The following NR6A1 variants were observed in gnomAD, a reference collection of about 807,000 sequenced individuals.
The protein encoded by NR6A1 is nuclear receptor subfamily 6 group A member 1.
A neutral mutation model predicts 59.1 loss-of-function variants in NR6A1; 7 were observed. The observed-to-expected ratio is 0.12, with a 90% CI of 0.07 to 0.22. The LOEUF is 0.22. Among genes scored for constraint, NR6A1 ranks in the 10% least tolerant of loss-of-function variants. NR6A1 has a pLI of 1.00. For synonymous variants in NR6A1, 243 were observed against 236.1 expected (o/e 1.03, Z -0.27); for missense variants, 468 against 611.6 (o/e 0.77, Z 2.48).
chr9:124,533,775 C>A (rs1833166965), intron 7 of NR6A1, among the ~76,000 whole-genome samples: 1 of 152,072 alleles, frequency 6.6e-6, no homozygotes, highest in Non-Finnish European at 1.5e-5. Flanking sequence ...CTCAGCCTCC[C>A]AAGCAGCTGG....
chr9:124,767,072 T>C lies in NR6A1; in HGVS notation c.100+3948A>G, dbSNP rs564550953. On this transcript the variant is annotated intron_variant, in intron 1 of 9. Coordinates refer to ENST00000487099, the MANE Select transcript of NR6A1 (RefSeq NM_033334.4). ...CAGTTGGCATTTCTACCTACCATCC[T>C]CTACTATTCTAAAATGTGGTATTTT... Among the ~76,000 whole-genome samples the C allele has an allele frequency of 1.1e-4, 16 of 152,330 alleles. No individual in the cohort carries two copies. The East Asian group carries it at 1.9e-3, about 18-fold the overall frequency.
At chr9:124,702,156 T>C (rs1362247726) in intron 2 of NR6A1, among the ~76,000 whole-genome samples, 2 of 152,376 alleles carry the variant, frequency 1.3e-5, no homozygotes, top group East Asian at 3.9e-4. Flanking sequence ...CTTTTATGGC[T>C]TGTGCCACTG....
rs201155808 is a variant in NR6A1, at chr9:124,692,042, G to A, written c.142+41266C>T. Among the ~76,000 whole-genome samples the A allele has an allele frequency of 2.0e-5, 3 of 152,154 alleles. No homozygotes were observed. In the East Asian group the frequency reaches 5.8e-4, roughly 29 times the overall value. ...GCTTATAACCTTGGCTCCTGGCAATGTAACTTTAGGCAAATCACTTCAAGT... is the reference window on the plus strand; with the variant it reads ...GCTTATAACCTTGGCTCCTGGCAATATAACTTTAGGCAAATCACTTCAAGT... On this transcript the variant is annotated intron_variant, in intron 2 of 9. Transcript: ENST00000487099.
intron 2 of NR6A1, among the ~76,000 whole-genome samples, chr9:124,696,420 C>T (rs146529793): frequency 6.8e-4 from 104 of 152,046 alleles, no homozygotes; most frequent in Admixed American, 1.7e-3. Flanking sequence ...TTCCATCATC[C>T]TGTTCGGTGT....
intron 8 of NR6A1, 73 bp downstream of exon 8, chr9:124,526,706 G>C: frequency 6.3e-7 from 1 of 1,590,058 alleles, no homozygotes; most frequent in Non-Finnish European, 8.6e-7. Flanking sequence ...AAGGAGGGGT[G>C]AAACAGGAGG....
rs1564273365 is a variant in NR6A1 at position 124,765,621 on chromosome 9, G to A, written c.100+5399C>T. 3.3e-5 allele frequency among the ~76,000 whole-genome samples: 5 copies of A among 152,092 alleles called. No homozygotes were observed. The South Asian group carries it at 1.0e-3, about 31-fold the overall frequency. On this transcript the variant is annotated intron_variant, in intron 1 of 9. Transcript: ENST00000487099. ...AAAAGATTTGGTGCAGCTGGGGGTG[G>A]GGAAAAAAGCAATTCAGCTCCCCAG... is the stretch of plus-strand genomic sequence containing the variant.
intron 2 of NR6A1, among the ~76,000 whole-genome samples, chr9:124,633,402 C>CAAAA (rs11337023): frequency 4.5e-4 from 33 of 72,720 alleles, no homozygotes; most frequent in African/African-American, 1.2e-3. Context: ...AACTCCGTCT[C>CAAAA]AAAAAAAAAA....
chr9:124,757,535 T>C (rs890293447), intron 1 of NR6A1, among the ~76,000 whole-genome samples: 4 of 151,858 alleles, frequency 2.6e-5, no homozygotes, highest in Non-Finnish European at 5.9e-5. Flanking sequence ...GGTAGGATTA[T>C]AGGTTATTTT....
intron 2 of NR6A1, among the ~76,000 whole-genome samples, chr9:124,730,906 C>T (rs183724992): frequency 1.9e-4 from 29 of 152,248 alleles, no homozygotes; most frequent in African/African-American, 6.5e-4. Flanking sequence ...AGAACAAGAG[C>T]TATACTTATT....
chr9:124,640,295 CT>C (rs1836734012), intron 2 of NR6A1, among the ~76,000 whole-genome samples: 1 of 152,204 alleles, frequency 6.6e-6, no homozygotes, highest in South Asian at 2.1e-4. Context: ...ACATTCCTTT[CT>C]TTCATCAAAT....
intron 2 of NR6A1, among the ~76,000 whole-genome samples, chr9:124,708,217 T>A (rs1839188035): frequency 1.3e-5 from 2 of 152,162 alleles, no homozygotes. Flanking sequence ...CAAATTTAAC[T>A]GACAACATTC....
intron 2 of NR6A1, among the ~76,000 whole-genome samples, chr9:124,629,254 C>G (rs1836349650): frequency 6.6e-6 from 1 of 152,124 alleles, no homozygotes; most frequent in African/African-American, 2.4e-5. Flanking sequence ...TGTTATCAGG[C>G]CAATTAAATT....
intron 2 of NR6A1, among the ~76,000 whole-genome samples, chr9:124,670,435 C>G (rs1312649731): frequency 6.6e-6 from 1 of 150,494 alleles, no homozygotes; most frequent in Non-Finnish European, 1.5e-5. Context: ...TTTTATTTGT[C>G]TATTTTCAGA....
chr9:124,560,686 A>C (rs1216857251), intron 2 of NR6A1, among the ~76,000 whole-genome samples: 1 of 151,814 alleles, frequency 6.6e-6, no homozygotes, highest in South Asian at 2.1e-4. Flanking sequence ...TCAGCCTCCC[A>C]AGTAGCTGGG....
chr9:124,766,397 G>A (rs1840934507), intron 1 of NR6A1, among the ~76,000 whole-genome samples: 1 of 152,130 alleles, frequency 6.6e-6, no homozygotes, highest in Non-Finnish European at 1.5e-5. Flanking sequence ...TACTTATGTG[G>A]GCAGATTAGA....
chr9:124,640,750 C>A (rs181174362), intron 2 of NR6A1, among the ~76,000 whole-genome samples: 5 of 151,694 alleles, frequency 3.3e-5, no homozygotes, highest in African/African-American at 1.2e-4. Flanking sequence ...TTGCCAGCAC[C>A]CAAGCAGGAT....
intron 2 of NR6A1, among the ~76,000 whole-genome samples, chr9:124,633,944 A>T (rs1836522367): frequency 6.6e-6 from 1 of 152,248 alleles, no homozygotes; most frequent in Non-Finnish European, 1.5e-5. Context: ...TTCACAATGT[A>T]CTGTTAAAGG....
intron 2 of NR6A1, among the ~76,000 whole-genome samples, chr9:124,632,260 T>C (rs1032005580): frequency 2.0e-5 from 3 of 152,344 alleles, no homozygotes; most frequent in South Asian, 4.1e-4. Context: ...TCCACAATAG[T>C]TGAACTAACA....
At chr9:124,739,356 T>C (rs1840112040) in intron 1 of NR6A1, among the ~76,000 whole-genome samples, 1 of 152,200 alleles carries the variant, frequency 6.6e-6, no homozygotes, top group African/African-American at 2.4e-5. Context: ...TATATGTAAA[T>C]CATCTACTTT....
Sources: gnomAD v4.1 joint callset for allele counts (sites outside exome capture counted in the v4.1 genomes callset) on GRCh38, gnomAD v4.1.1 for gene constraint, MANE v1.5 for transcripts, NCBI Gene and HGNC (gene_info 2026-07-23, HGNC 2026-07-21) for gene names.